The following GRID2 variants were observed in gnomAD, a reference collection of about 807,000 sequenced individuals.
GRID2 encodes glutamate ionotropic receptor delta type subunit 2.
A neutral mutation model predicts 114.8 loss-of-function variants in GRID2; 33 were observed. The ratio of observed to expected loss-of-function variants is 0.29; its 90% CI spans 0.22 to 0.38. The LOEUF is 0.38. Among genes scored for constraint, GRID2 ranks in the 10% least tolerant of loss-of-function variants. The pLI, the probability that GRID2 is intolerant of heterozygous loss-of-function variation, is 1.00. For synonymous variants in GRID2, 505 were observed against 449.9 expected (o/e 1.12, Z -1.55); for missense variants, 1,184 against 1,257.7 (o/e 0.94, Z 0.89).
At chr4:92,377,540 G>A (rs890431526) in intron 1 of GRID2, among the ~76,000 whole-genome samples, 1 of 152,072 alleles carries the variant, frequency 6.6e-6, no homozygotes, top group African/African-American at 2.4e-5. Flanking sequence ...CTTCCACATT[G>A]TCATGTATCT....
chr4:92,505,425 C>T lies in GRID2; in HGVS notation c.89-84706C>T, dbSNP rs1213143007. On this transcript the variant is annotated intron_variant, in intron 1 of 15. Transcript: ENST00000282020. ...TCCCTATTTTTCTTCTTTCTTCCTT[C>T]TTCCTTTCTTTTTGCAAGTTAACAT... Among the ~76,000 whole-genome samples the T allele has an allele frequency of 1.3e-5, 2 of 151,966 alleles. 1 individual carries two copies. Among genetic ancestry groups the T allele is most frequent in the East Asian group, 3.9e-4 (2 of 5,182 alleles).
chr4:93,270,650 G>A (rs1007620061), intron 8 of GRID2, among the ~76,000 whole-genome samples: 2 of 151,652 alleles, frequency 1.3e-5, no homozygotes, highest in African/African-American at 2.4e-5. Flanking sequence ...TTTTTTTGAG[G>A]TGGAGTCTCA....
At chr4:92,728,875 T>TATTA (rs1736188873) in intron 2 of GRID2, among the ~76,000 whole-genome samples, 1 of 151,746 alleles carries the variant, frequency 6.6e-6, no homozygotes, top group Admixed American at 6.6e-5. Flanking sequence ...TTAGCTCTAC[T>TATTA]GTTGCTAAAC....
At chr4:92,485,301 CATATATATATATATATATATATATATAT>C (rs34583484) in intron 1 of GRID2, among the ~76,000 whole-genome samples, 11 of 56,566 alleles carry the variant, frequency 1.9e-4, no homozygotes, top group South Asian at 7.4e-4. Flanking sequence ...AAGGTGTGTG[CATATATATATATATATATATATATATAT>C]ATATATATAT....
At chr4:92,492,834 G>T (rs886742163) in intron 1 of GRID2, among the ~76,000 whole-genome samples, 35 of 151,890 alleles carry the variant, frequency 2.3e-4, no homozygotes, top group African/African-American at 8.5e-4. Context: ...GGGCTAAATG[G>T]AATACAGTTT....
chr4:93,424,364 T>G (rs2149370775), intron 10 of GRID2, among the ~76,000 whole-genome samples: 1 of 152,274 alleles, frequency 6.6e-6, no homozygotes, highest in South Asian at 2.1e-4. Flanking sequence ...AGTGCAGGGC[T>G]ACGTAGGTAG....
intron 2 of GRID2, among the ~76,000 whole-genome samples, chr4:92,892,368 T>G (rs1396647641): frequency 6.6e-6 from 1 of 152,148 alleles, no homozygotes; most frequent in Non-Finnish European, 1.5e-5. Flanking sequence ...TTTTGAAAAA[T>G]TTGTTCTGAG....
intron 4 of GRID2, among the ~76,000 whole-genome samples, chr4:93,157,977 C>T (rs1032850985): frequency 6.6e-6 from 1 of 151,756 alleles, no homozygotes; most frequent in African/African-American, 2.4e-5. Flanking sequence ...AGCGTTAAGC[C>T]AAGCATGACT....
At chr4:92,855,374 ATT>A (rs1205814428) in intron 2 of GRID2, among the ~76,000 whole-genome samples, 1 of 151,922 alleles carries the variant, frequency 6.6e-6, no homozygotes, top group African/African-American at 2.4e-5. Context: ...ATAAAAAATT[ATT>A]TGTTATTATT....
At chr4:93,448,419 G>A (rs978926378) in intron 10 of GRID2, among the ~76,000 whole-genome samples, 1 of 151,672 alleles carries the variant, frequency 6.6e-6, no homozygotes, top group Non-Finnish European at 1.5e-5. Context: ...ATAAAGAATA[G>A]ATTAAATAAG....
At chr4:93,199,900 G>A (rs1431984303) in intron 4 of GRID2, among the ~76,000 whole-genome samples, 3 of 152,166 alleles carry the variant, frequency 2.0e-5, no homozygotes, top group Non-Finnish European at 4.4e-5. Context: ...AAGAAAACAA[G>A]TGAAGAAAAC....
At chr4:92,579,713 A>G (rs1350141079) in intron 1 of GRID2, among the ~76,000 whole-genome samples, 1 of 151,790 alleles carries the variant, frequency 6.6e-6, no homozygotes, top group Non-Finnish European at 1.5e-5. Context: ...TAAAGTTTAA[A>G]AACATTATTT....
chr4:93,502,769 C>G (rs1199171326), intron 12 of GRID2, among the ~76,000 whole-genome samples: 1 of 151,014 alleles, frequency 6.6e-6, no homozygotes, highest in Non-Finnish European at 1.5e-5. Flanking sequence ...ACTACAGCCT[C>G]CATTTCTCAA....
chr4:92,693,119 C>T (rs1734257793), intron 2 of GRID2, among the ~76,000 whole-genome samples: 1 of 151,504 alleles, frequency 6.6e-6, no homozygotes, highest in Non-Finnish European at 1.5e-5. Context: ...GCAGTTCCTT[C>T]TTTTTCTAAA....
chr4:92,340,144 T>C (rs1489754158), intron 1 of GRID2, among the ~76,000 whole-genome samples: 2 of 152,200 alleles, frequency 1.3e-5, no homozygotes, highest in Non-Finnish European at 1.5e-5. Context: ...TGTGAAAATT[T>C]GGAGAAATTA....
At chr4:92,616,537 G>T (rs1354247381) in intron 2 of GRID2, among the ~76,000 whole-genome samples, 1 of 151,344 alleles carries the variant, frequency 6.6e-6, no homozygotes, top group Non-Finnish European at 1.5e-5. Flanking sequence ...GAAATTTGGG[G>T]AAATTTTTAC....
chr4:93,539,972 A>G (rs1212848349), intron 13 of GRID2, among the ~76,000 whole-genome samples: 1 of 151,872 alleles, frequency 6.6e-6, no homozygotes, highest in Non-Finnish European at 1.5e-5. Context: ...TTAAAAAATT[A>G]TTTTACTGAT....
rs543723248 is a variant in GRID2 at position 92,797,392 on chromosome 4, T to C, written c.244+207106T>C. Reference sequence around the variant, plus strand: ...ATAGCAATGGGAGTTGCCTATGAAATTGTGATACTAGCACATTATGCAGTA... The same window carrying C: ...ATAGCAATGGGAGTTGCCTATGAAACTGTGATACTAGCACATTATGCAGTA... On this transcript the variant is annotated intron_variant, in intron 2 of 15. Transcript: ENST00000282020. Among the ~76,000 whole-genome samples the C allele has an allele frequency of 3.9e-5, 6 of 152,088 alleles. No homozygotes were observed. The South Asian group carries it at 8.3e-4, about 21-fold the overall frequency.
intron 3 of GRID2, among the ~76,000 whole-genome samples, chr4:93,099,732 G>A (rs577092189): frequency 7.4e-4 from 113 of 151,756 alleles, no homozygotes; most frequent in Non-Finnish European, 1.4e-3. Flanking sequence ...AACTACTTAA[G>A]CACCACTCTT....
Sources: allele counts gnomAD v4.1 joint callset (sites outside exome capture counted in the v4.1 genomes callset), GRCh38; gene constraint gnomAD v4.1.1; transcripts MANE v1.5; gene names NCBI Gene and HGNC (gene_info 2026-07-23, HGNC 2026-07-21).